The following BICDL1 variants were observed in gnomAD, a reference collection of about 807,000 sequenced individuals.
BICDL1 encodes BICD family like cargo adaptor 1.
In BICDL1, 20 loss-of-function variants were observed where a neutral mutation model predicts 76.8. The observed-to-expected ratio is 0.26, with a 90% confidence interval of 0.18 to 0.38. BICDL1 has a LOEUF of 0.38. BICDL1 is among the 10% of genes least tolerant of loss of function. The probability of loss-of-function intolerance (pLI) is 1.00; values close to 1 mark genes in which losing one functional copy is unlikely to be tolerated. For synonymous variants in BICDL1, 383 were observed against 337.1 expected, an observed-to-expected ratio of 1.14 and a Z score of -1.49; for missense variants, 700 against 798.6, an observed-to-expected ratio of 0.88 and a Z score of 1.49.
At chr12:120,001,437 G>A (rs1325182138) in intron 2 of BICDL1, among the ~76,000 whole-genome samples, 2 of 151,958 alleles carry the variant, frequency 1.3e-5, no homozygotes, top group East Asian at 1.9e-4. Context: ...TAGTAGAAAT[G>A]GGGTTTTACT....
At chr12:120,064,254 G>A (rs765776052) in intron 3 of BICDL1, among the ~76,000 whole-genome samples, 7 of 152,068 alleles carry the variant, frequency 4.6e-5, no homozygotes, top group African/African-American at 1.2e-4. Flanking sequence ...GGCCAGGAGC[G>A]GGGAAAGGAA....
At chr12:119,994,972 T>C (rs1951609085) in intron 1 of BICDL1, among the ~76,000 whole-genome samples, 1 of 152,210 alleles carries the variant, frequency 6.6e-6, no homozygotes, top group African/African-American at 2.4e-5. Context: ...TTTATTCAGA[T>C]TATCTAAGCA....
chr12:120,034,299 A>C (rs949410915), intron 2 of BICDL1, among the ~76,000 whole-genome samples: 1 of 152,232 alleles, frequency 6.6e-6, no homozygotes, highest in African/African-American at 2.4e-5. Flanking sequence ...AATACAATCA[A>C]GGTTACTTGA....
chr12:120,067,439 C>G (rs186837866), intron 4 of BICDL1, among the ~76,000 whole-genome samples: 198 of 152,354 alleles, frequency 1.3e-3, no homozygotes, highest in Non-Finnish European at 2.6e-3. Context: ...AAACACAAAG[C>G]ACTTGGTGTC....
At chr12:120,003,808 G>A (rs1951803904) in intron 2 of BICDL1, among the ~76,000 whole-genome samples, 1 of 152,220 alleles carries the variant, frequency 6.6e-6, no homozygotes, top group Admixed American at 6.5e-5. Context: ...TGGTTCTGTA[G>A]TTCTCTGACT....
chr12:120,059,128 C>G (rs2138887786), intron 2 of BICDL1, among the ~76,000 whole-genome samples: 1 of 151,914 alleles, frequency 6.6e-6, no homozygotes, highest in Non-Finnish European at 1.5e-5. Flanking sequence ...CGTAGTCTTG[C>G]TCTGTTGCCC....
intron 6 of BICDL1, among the ~76,000 whole-genome samples, chr12:120,074,149 G>A (rs1321232139): frequency 3.3e-5 from 5 of 152,006 alleles, no homozygotes; most frequent in African/African-American, 9.7e-5. Context: ...TCCTGACCTC[G>A]TGATCTGCTG....
intron 2 of BICDL1, chr12:120,056,927 A>G: frequency 3.1e-6 from 1 of 323,470 alleles, no homozygotes; most frequent in Non-Finnish European, 6.0e-6. Flanking sequence ...CCCTTGATGC[A>G]GGTTAGGGCT....
chr12:120,010,105 TCAGCCTGTGCTGC>T (rs1156345453), intron 2 of BICDL1, among the ~76,000 whole-genome samples: 1 of 152,238 alleles, frequency 6.6e-6, no homozygotes, highest in African/African-American at 2.4e-5. Flanking sequence ...CACCAGTGCC[TCAGCCTGTGCTGC>T]CAGCTTTGCC....
intron 2 of BICDL1, among the ~76,000 whole-genome samples, chr12:120,015,458 T>C (rs1040117654): frequency 9.2e-5 from 14 of 152,136 alleles, no homozygotes; most frequent in Non-Finnish European, 1.5e-5. Context: ...ATGAGAACTT[T>C]GCTGTTCTTC....
intron 2 of BICDL1, among the ~76,000 whole-genome samples, chr12:120,038,715 G>C (rs1342347486): frequency 1.3e-5 from 2 of 152,164 alleles, no homozygotes; most frequent in African/African-American, 4.8e-5. Flanking sequence ...ATAGTTTAAT[G>C]CTAGTAATAA....
At chr12:119,992,324 A>G (rs952149508) in intron 1 of BICDL1, 5 of 152,256 alleles carry the variant, frequency 3.3e-5, no homozygotes, top group East Asian at 1.9e-4. Flanking sequence ...CCCACAGTAC[A>G]TTGTTTGAAC....
intron 2 of BICDL1, among the ~76,000 whole-genome samples, chr12:120,053,936 G>C (rs951732621): frequency 6.6e-6 from 1 of 152,092 alleles, no homozygotes; most frequent in Admixed American, 6.5e-5. Flanking sequence ...ACTTTGAGGG[G>C]CCAAGGTGGG....
chr12:120,041,758 A>G (rs61514727), intron 2 of BICDL1, among the ~76,000 whole-genome samples: 8,473 of 152,178 alleles, frequency 0.056, 467 homozygotes, highest in African/African-American at 0.14. Context: ...GGGGAATCAT[A>G]TGCACAGATT....
chr12:120,052,236 T>G (rs1160057213), intron 2 of BICDL1, among the ~76,000 whole-genome samples: 1 of 151,586 alleles, frequency 6.6e-6, no homozygotes, highest in African/African-American at 2.4e-5. Context: ...CTTGTTTTTC[T>G]TTCCCCTCCC....
At chr12:119,999,238 A>G (rs1951713546) in intron 2 of BICDL1, among the ~76,000 whole-genome samples, 1 of 152,148 alleles carries the variant, frequency 6.6e-6, no homozygotes, top group Non-Finnish European at 1.5e-5. Flanking sequence ...CATGCTTGTG[A>G]TTAACAAGCC....
At chr12:120,009,251 G>A (rs1185672235) in intron 2 of BICDL1, among the ~76,000 whole-genome samples, 2 of 152,170 alleles carry the variant, frequency 1.3e-5, no homozygotes, top group Non-Finnish European at 2.9e-5. Flanking sequence ...CTCCCAAAGT[G>A]CTGGGATTAC....
chr12:120,002,988 C>G (rs1385715706), intron 2 of BICDL1, among the ~76,000 whole-genome samples: 2 of 152,074 alleles, frequency 1.3e-5, no homozygotes, highest in Non-Finnish European at 2.9e-5. Context: ...GAAACCCCAT[C>G]TCTACTAAAA....
At chr12:120,043,552 G>A (rs1178608820) in intron 2 of BICDL1, among the ~76,000 whole-genome samples, 1 of 152,196 alleles carries the variant, frequency 6.6e-6, no homozygotes, top group Non-Finnish European at 1.5e-5. Context: ...TCAGTCATGC[G>A]TAATTTACAT....
Sources: gnomAD v4.1 joint callset for allele counts (sites outside exome capture counted in the v4.1 genomes callset) on GRCh38, gnomAD v4.1.1 for gene constraint, MANE v1.5 for transcripts, NCBI Gene and HGNC (gene_info 2026-07-23, HGNC 2026-07-21) for gene names.